Variants in SEC16B observed in about 807,000 individuals in gnomAD.
SEC16B encodes the protein protein transport protein Sec16B.
Under a neutral mutation model 141.8 loss-of-function variants are expected in SEC16B, and 115 were observed. The observed-to-expected ratio is 0.81, with a 90% CI of 0.70 to 0.95. The LOEUF is 0.95. Ranked by LOEUF, SEC16B falls within the 40% of genes least tolerant of loss-of-function variation. SEC16B has a pLI of 0.00. For missense variants in SEC16B, 1,291 were observed against 1,312.3 expected, an observed-to-expected ratio of 0.98 and a Z score of 0.25; for synonymous variants, 493 against 492.5, an observed-to-expected ratio of 1.00 and a Z score of -0.01.
upstream of SEC16B, among the ~76,000 whole-genome samples, chr1:177,973,932 A>G (rs574436722): frequency 4.7e-4 from 72 of 152,230 alleles, no homozygotes; most frequent in African/African-American, 1.6e-3. Flanking sequence ...CCATAAATCA[A>G]GCAGGACAGA....
At chr1:177,943,321 T>G (rs1651423514) in intron 15 of SEC16B, among the ~76,000 whole-genome samples, 1 of 152,226 alleles carries the variant, frequency 6.6e-6, no homozygotes, top group Non-Finnish European at 1.5e-5. Context: ...GCCTAATGCA[T>G]GCAGGGCTTA....
At chr1:177,971,074 T>A (rs10798588), upstream of SEC16B, among the ~76,000 whole-genome samples, 2 of 144,680 alleles carry the variant, frequency 1.4e-5, no homozygotes, top group Admixed American at 6.7e-5. Flanking sequence ...TGACTGTAGC[T>A]AATGGTTTCT....
At position 177,929,970 on chromosome 1, in the gene SEC16B, A is replaced by G. The variant is rs188289863; in HGVS notation, c.3112-41T>C. The stretch of plus-strand genomic sequence containing the variant: ...AAATATTACACTGAGTACAGCCCCA[A>G]ACATGACTCTGCCCGGGGTTGATTG... On this transcript the variant is annotated intron_variant, in intron 25 of 25. Transcript: ENST00000308284. 5.2e-5 allele frequency: 83 copies of G among 1,600,490 alleles called. No homozygotes were observed. In the East Asian group the frequency reaches 1.7e-3, roughly 32 times the overall value.
In SEC16B at chr1:177,929,837, G is replaced by A. The variant is rs867904988; in HGVS notation, c.*21C>T. ...AGAAAGTTTCAGTCCTGGGAGATGA[G>A]CCTGGGACGTGTGTTTATTCTCAGC... On this transcript the variant is annotated 3_prime_UTR_variant, in exon 26 of 26. Transcript: ENST00000308284. 3 of 1,612,896 alleles carry A rather than the reference G, an allele frequency of 1.9e-6. No individual in the cohort carries two copies. Among genetic ancestry groups the A allele is most frequent in the East Asian group, 2.2e-5 (1 of 44,884 alleles).
At position 177,929,556 on chromosome 1, in the gene SEC16B, C is replaced by T. The variant is rs547832427; in HGVS notation, c.*302G>A. On this transcript the variant is annotated 3_prime_UTR_variant, in exon 26 of 26. Transcript: ENST00000308284. ...TGTTAGGGCCCTAATTTCCCCAAGG[C>T]TCTCAAGCCACCACCATAAGTGCCA... 196 of 369,286 alleles carry T rather than the reference C, an allele frequency of 5.3e-4. 2 individuals carry two copies. The South Asian group carries it at 6.4e-3, about 12-fold the overall frequency. 22.9% of individuals were successfully genotyped at this position (369,286 alleles called of 1,614,324 possible).
intron 16 of SEC16B, 28 bp from the exon 17 acceptor site, chr1:177,940,742 G>T: frequency 6.5e-7 from 1 of 1,533,738 alleles, no homozygotes; most frequent in Non-Finnish European, 9.0e-7. Context: ...ATGGGTTAGG[G>T]GCAGAAAGTA....
upstream of SEC16B, among the ~76,000 whole-genome samples, chr1:177,972,841 T>C (rs1235466613): frequency 1.3e-5 from 2 of 152,196 alleles, no homozygotes; most frequent in Non-Finnish European, 2.9e-5. Context: ...TGGAGCCTTG[T>C]CAATGGAATT....
At chr1:177,977,588 T>C (rs1415522079) in intron 1 of SEC16B, among the ~76,000 whole-genome samples, 2 of 152,182 alleles carry the variant, frequency 1.3e-5, no homozygotes, top group African/African-American at 4.8e-5. Context: ...TGTTACTTCC[T>C]GATGCATGAT....
rs1388056136 is a variant in SEC16B, at chr1:177,936,295, C to A, written c.2571+3G>T. Reference sequence around the variant, plus strand: ...TGGCATCTTTTATGCTGTGCGCTCTCACCTGTGGTTTGGAAATGACCTCTT... The same window carrying A: ...TGGCATCTTTTATGCTGTGCGCTCTAACCTGTGGTTTGGAAATGACCTCTT... On this transcript the variant is annotated splice_donor_region_variant and intron_variant, in intron 20 of 25. Transcript: ENST00000308284. 2.5e-6 allele frequency: 4 copies of A among 1,608,016 alleles called. No homozygotes were observed.
At chr1:177,984,253 C>G (rs1654542139) in exon 1 of SEC16B, 1 of 152,186 alleles carries the variant, frequency 6.6e-6, no homozygotes, top group African/African-American at 2.4e-5. Context: ...TCTGCTATAT[C>G]CCATCATGAC....
intron 12 of SEC16B, among the ~76,000 whole-genome samples, chr1:177,951,160 G>A (rs1652167858): frequency 6.6e-6 from 1 of 152,036 alleles, no homozygotes; most frequent in Admixed American, 6.5e-5. Flanking sequence ...TTCCTGAAAA[G>A]GAAACCAAAA....
rs1237399686 is a variant in SEC16B at position 177,954,267 on chromosome 1, G to A, written c.1463+12C>T. The A allele has an allele frequency of 6.4e-7, 1 of 1,555,666 alleles. No individual in the cohort carries two copies. Among genetic ancestry groups the A allele is most frequent in the Admixed American group, 1.9e-5 (1 of 51,744 alleles). Reference sequence around the variant, plus strand: ...CTGCCCCACTGGCCTCTTTTGTTAAGTCCTGACTCACCCACTCATGACCCA... The same window carrying A: ...CTGCCCCACTGGCCTCTTTTGTTAAATCCTGACTCACCCACTCATGACCCA... On this transcript the variant is annotated intron_variant, in intron 11 of 25. Transcript: ENST00000308284.
intron 19 of SEC16B, among the ~76,000 whole-genome samples, chr1:177,936,987 G>A (rs142065574): frequency 3.9e-5 from 6 of 152,250 alleles, no homozygotes; most frequent in Admixed American, 1.3e-4. Context: ...GTACCCAGTG[G>A]AGAGATGGAC....
Position 177,938,619 on chromosome 1 carries a change from CT to C in SEC16B, c.2203+1082del, listed in dbSNP as rs35106692. Among the ~76,000 whole-genome samples, 885 of 151,674 alleles carry C rather than the reference CT, an allele frequency of 5.8e-3. 5 individuals are homozygous for C. Among genetic ancestry groups the C allele is most frequent in the African/African-American group, 0.02 (835 of 41,418 alleles). ...CTTTCCAAATGTACACATTGTATGA[CT>C]TTTTTTTTAAGTTAACACTGCCTTG... On this transcript the variant is annotated intron_variant, in intron 18 of 25. Coordinates refer to ENST00000308284, the MANE Select transcript of SEC16B (RefSeq NM_033127.4).
chr1:177,933,264 T>C lies in SEC16B; in HGVS notation c.2773A>G (p.Asn925Asp). 1.9e-6 allele frequency: 3 copies of C among 1,600,812 alleles called. No individual in the cohort carries two copies. Among genetic ancestry groups the C allele is most frequent in the South Asian group, 1.1e-5 (1 of 88,374 alleles). Residue 925 changes from asparagine (N) to aspartate (D), a missense_variant, in exon 22 of 26, where the codon AAC becomes GAC. Asn to Asp is a conservative substitution (Grantham distance 23). This residue lies in a region of SEC16B where 605 missense variants were observed against 614.1 expected (regional missense o/e 0.99). Transcript: ENST00000308284. ...FSWFRSKPTK[N>D]ASPAGDEDSS... is the part of the protein sequence containing the mutation. ...TCCTCGTCTCCAGCGGGGGATGCGTTCTTGGTGGGCTTCGATCGAAACCAG... is the reference window on the plus strand; with the variant it reads ...TCCTCGTCTCCAGCGGGGGATGCGTCCTTGGTGGGCTTCGATCGAAACCAG...
chr1:177,962,601 C>T (rs1557988144), intron 5 of SEC16B, among the ~76,000 whole-genome samples: 1 of 151,774 alleles, frequency 6.6e-6, no homozygotes. Context: ...AAAAATTTAG[C>T]TGGGCATGGT....
intron 18 of SEC16B, 33 bp from the exon 19 acceptor site, chr1:177,937,546 A>G: frequency 6.8e-7 from 1 of 1,463,828 alleles, no homozygotes. Flanking sequence ...AAGAAGTCAG[A>G]CCTGAAATGC....
chr1:177,979,607 T>C (rs1422092549), intron 1 of SEC16B, among the ~76,000 whole-genome samples: 5 of 152,220 alleles, frequency 3.3e-5, no homozygotes, highest in Non-Finnish European at 1.5e-5. Context: ...CTGGAGGACA[T>C]TGAAGGGCAC....
At chr1:177,940,571 G>A in intron 17 of SEC16B, 39 bp downstream of exon 17, 3 of 1,437,748 alleles carry the variant, frequency 2.1e-6, no homozygotes, top group Non-Finnish European at 2.9e-6. Flanking sequence ...GGGAAACAAA[G>A]GCCAGTCCCC....
Sources: allele counts gnomAD v4.1 joint callset (sites outside exome capture counted in the v4.1 genomes callset), GRCh38; gene constraint gnomAD v4.1.1; regional missense constraint gnomAD v4.1.1; transcripts MANE v1.5; gene names NCBI Gene and HGNC (gene_info 2026-07-23, HGNC 2026-07-21).